TSGA10: variants seen among roughly 807,000 people sequenced by gnomAD.
TSGA10 encodes the protein testis-specific gene 10 protein.
A neutral mutation model predicts 96.6 loss-of-function variants in TSGA10; 43 were observed. The ratio of observed to expected loss-of-function variants is 0.44; its 90% CI spans 0.35 to 0.57. The LOEUF (loss-of-function observed/expected upper bound fraction) is 0.57, where lower values mean the gene tolerates loss of function less well. TSGA10 is among the 20% of genes least tolerant of loss of function. The pLI is 0.01. For synonymous variants in TSGA10, 229 were observed against 269.9 expected, an observed-to-expected ratio of 0.85 and a Z score of 1.48; for missense variants, 703 against 834.4, an observed-to-expected ratio of 0.84 and a Z score of 1.94.
intron 1 of TSGA10, among the ~76,000 whole-genome samples, chr2:99,139,016 T>C (rs2093427782): frequency 6.6e-6 from 1 of 152,124 alleles, no homozygotes; most frequent in Admixed American, 6.6e-5. Context: ...TCCCAACACT[T>C]TGGGAGGCCA....
At chr2:99,150,086 C>CCAG (rs1365449714) in intron 1 of TSGA10, among the ~76,000 whole-genome samples, 1 of 152,158 alleles carries the variant, frequency 6.6e-6, no homozygotes, top group Non-Finnish European at 1.5e-5. Context: ...GCCACCGCAC[C>CCAG]CAGCCAATCA....
chr2:99,116,465 A>AAGTCACAGATATCTGAGAATTTAGTAT (rs1183387862), intron 4 of TSGA10, among the ~76,000 whole-genome samples: 84 of 152,348 alleles, frequency 5.5e-4, no homozygotes, highest in South Asian at 3.9e-3. Context: ...ATAGTCCAGA[A>AAGTCACAGATATCTGAGAATTTAGTAT]AGTCACAGAT....
chr2:99,089,394 T>C (rs935448579), intron 10 of TSGA10, among the ~76,000 whole-genome samples: 1 of 152,176 alleles, frequency 6.6e-6, no homozygotes, highest in African/African-American at 2.4e-5. Context: ...ATGTGAACTT[T>C]CTTGGACAGA....
At chr2:99,137,641 G>A (rs1247121738) in intron 1 of TSGA10, among the ~76,000 whole-genome samples, 3 of 151,994 alleles carry the variant, frequency 2.0e-5, no homozygotes, top group Admixed American at 6.5e-5. Flanking sequence ...ATATCAGTGT[G>A]GAGAATAGGT....
chr2:99,150,856 A>G, intron 1 of TSGA10: 1 of 1,515,212 alleles, frequency 6.6e-7, no homozygotes, highest in Non-Finnish European at 8.9e-7. Flanking sequence ...CGTATTACCA[A>G]AGAAACCAAA....
At position 98,999,924 on chromosome 2, in the gene TSGA10, G is replaced by A. The variant is rs998041718; in HGVS notation, c.2073-1703C>T. Among the ~76,000 whole-genome samples the A allele has an allele frequency of 2.6e-5, 4 of 152,148 alleles. 1 individual carries two copies. The South Asian group carries it at 8.3e-4, about 32-fold the overall frequency. On this transcript the variant is annotated intron_variant, in intron 20 of 20. Transcript: ENST00000393483. ...CCACCATATCTGGCTAATTTTTTTT[G>A]TGTGTGTATTTTTTGTAGAGATGGG...
intron 16 of TSGA10, among the ~76,000 whole-genome samples, chr2:99,054,574 T>C (rs1425193155): frequency 6.6e-6 from 1 of 152,108 alleles, no homozygotes; most frequent in African/African-American, 2.4e-5. Context: ...AGAGAAAATC[T>C]ACAAAATGGG....
chr2:99,098,184 T>A (rs1382928682), intron 10 of TSGA10, among the ~76,000 whole-genome samples: 2 of 152,032 alleles, frequency 1.3e-5, no homozygotes, highest in African/African-American at 4.8e-5. Context: ...ACACCTGTAA[T>A]CCCAGGACTT....
chr2:99,131,671 T>G (rs1473047608), intron 1 of TSGA10, among the ~76,000 whole-genome samples: 3 of 152,200 alleles, frequency 2.0e-5, no homozygotes, highest in Admixed American at 1.3e-4. Flanking sequence ...ATAGGAGTGG[T>G]GAGAGAGGGC....
At chr2:99,082,466 G>T (rs189482011) in intron 10 of TSGA10, among the ~76,000 whole-genome samples, 1 of 151,824 alleles carries the variant, frequency 6.6e-6, no homozygotes, top group African/African-American at 2.4e-5. Flanking sequence ...TTTGGCCGCC[G>T]GCTTAATAAA....
chr2:99,058,475 T>TA (rs1293886832), intron 16 of TSGA10, among the ~76,000 whole-genome samples: 3 of 151,908 alleles, frequency 2.0e-5, no homozygotes, highest in Non-Finnish European at 4.4e-5. Flanking sequence ...AAAGAAATAA[T>TA]AAAGAGAAGA....
Position 99,110,931 on chromosome 2 carries a change from A to C in TSGA10, c.-139-16T>G, listed in dbSNP as rs1404339378. 2.9e-6 allele frequency: 2 copies of C among 679,368 alleles called. No homozygotes were observed. The highest frequency in any genetic ancestry group is 4.1e-5 in the African/African-American group (2 of 49,348). The allele number at this position is 679,368 out of a possible 1,614,324, so 42.1% of individuals were successfully genotyped here. On this transcript the variant is annotated splice_polypyrimidine_tract_variant and intron_variant, in intron 4 of 20. Coordinates refer to ENST00000393483, the MANE Select transcript of TSGA10 (RefSeq NM_025244.4). ...TGAGATCAATCTGAAGAAAAAGTAA[A>C]AAAAAAAAAAATTATTTCTATTAAA... is the stretch of plus-strand genomic sequence containing the variant.
chr2:99,130,597 TC>T (rs1292676301), intron 1 of TSGA10, among the ~76,000 whole-genome samples: 1 of 152,212 alleles, frequency 6.6e-6, no homozygotes, highest in Non-Finnish European at 1.5e-5. Context: ...GATGATAGTT[TC>T]TTTTGCTGTA....
At chr2:99,088,062 A>G (rs1236462203) in intron 10 of TSGA10, among the ~76,000 whole-genome samples, 1 of 152,216 alleles carries the variant, frequency 6.6e-6, no homozygotes, top group Non-Finnish European at 1.5e-5. Context: ...CCTTTCTCAC[A>G]TGGGGTTCTG....
At chr2:99,000,868 C>G (rs2077833154) in intron 20 of TSGA10, among the ~76,000 whole-genome samples, 2 of 152,196 alleles carry the variant, frequency 1.3e-5, no homozygotes, top group Admixed American at 6.5e-5. Context: ...ACCCTGCTTA[C>G]TGCTAGCACA....
intron 1 of TSGA10, among the ~76,000 whole-genome samples, chr2:99,145,099 G>A (rs1254154359): frequency 6.6e-6 from 1 of 152,194 alleles, no homozygotes; most frequent in Non-Finnish European, 1.5e-5. Flanking sequence ...CATTCCTTCT[G>A]GAGGCTCTAG....
chr2:99,055,789 G>T (rs1411921936), intron 16 of TSGA10, among the ~76,000 whole-genome samples: 1 of 148,016 alleles, frequency 6.8e-6, no homozygotes, highest in Non-Finnish European at 1.5e-5. Flanking sequence ...GGAGGTCAAG[G>T]CTGCAGTGAG....
rs1433007775 is a variant in TSGA10 at position 99,127,183 on chromosome 2, C to A, written c.-620-7G>T. 2.3e-6 allele frequency: 3 copies of A among 1,277,356 alleles called. 1 individual carries two copies. Among genetic ancestry groups the A allele is most frequent in the South Asian group, 2.6e-5 (2 of 78,190 alleles). 79.1% of individuals were successfully genotyped at this position (1,277,356 alleles called of 1,614,324 possible). On this transcript the variant is annotated splice_region_variant and splice_polypyrimidine_tract_variant and intron_variant, in intron 1 of 20. Transcript: ENST00000393483. ...CATATTCTTTGGTGGTAACCTAGTACAAAGAATGGGAAATAATACAGAGGC... is the reference window on the plus strand; with the variant it reads ...CATATTCTTTGGTGGTAACCTAGTAAAAAGAATGGGAAATAATACAGAGGC...
At chr2:99,142,668 G>T (rs2093582227) in intron 1 of TSGA10, among the ~76,000 whole-genome samples, 1 of 152,084 alleles carries the variant, frequency 6.6e-6, no homozygotes, top group Non-Finnish European at 1.5e-5. Flanking sequence ...ACATATCCTC[G>T]GAAATGTAAT....
Sources: gnomAD v4.1 joint callset for allele counts (sites outside exome capture counted in the v4.1 genomes callset) on GRCh38, gnomAD v4.1.1 for gene constraint, MANE v1.5 for transcripts, NCBI Gene and HGNC (gene_info 2026-07-23, HGNC 2026-07-21) for gene names.